The following TGFBR3 variants were observed in gnomAD, a reference collection of about 807,000 sequenced individuals.
TGFBR3 encodes transforming growth factor beta receptor type 3.
A neutral mutation model predicts 87.9 loss-of-function variants in TGFBR3; 46 were observed. The ratio of observed to expected loss-of-function variants is 0.52; its 90% CI spans 0.41 to 0.67. TGFBR3 has a LOEUF of 0.67. Ranked by LOEUF, TGFBR3 falls within the 30% of genes least tolerant of loss-of-function variation. TGFBR3 has a pLI of 0.00. For synonymous variants in TGFBR3, 381 were observed against 391.6 expected (o/e 0.97, Z 0.32); for missense variants, 866 against 1,041.9 (o/e 0.83, Z 2.32).
chr1:91,768,021 T>C (rs1052276850), intron 3 of TGFBR3, among the ~76,000 whole-genome samples: 1 of 152,102 alleles, frequency 6.6e-6, no homozygotes, highest in Non-Finnish European at 1.5e-5. Flanking sequence ...AAGACCAGCC[T>C]GGCCAACATG....
At chr1:91,867,087 A>G (rs1345490954) in intron 1 of TGFBR3, among the ~76,000 whole-genome samples, 1 of 152,228 alleles carries the variant, frequency 6.6e-6, no homozygotes, top group African/African-American at 2.4e-5. Context: ...ACTTAGCTAC[A>G]TCACAGAGTT....
chr1:91,896,213 C>CTTAG (rs1679547924), intron 2 of TGFBR3, among the ~76,000 whole-genome samples: 1 of 152,184 alleles, frequency 6.6e-6, no homozygotes, highest in Non-Finnish European at 1.5e-5. Flanking sequence ...CCATGGCTAT[C>CTTAG]TTAATCAGCA....
At position 91,765,750 on chromosome 1, in the gene TGFBR3, T is replaced by C. The variant is rs114422669; in HGVS notation, c.247-7000A>G. On this transcript the variant is annotated intron_variant, in intron 3 of 16. Transcript: ENST00000212355. ...GATAGATAACAAAGATAAAATATTT[T>C]GAGCAAATATTCCACTATCTTTTAG... is the stretch of plus-strand genomic sequence containing the variant. Among the ~76,000 whole-genome samples, 993 of 152,380 alleles carry C rather than the reference T, an allele frequency of 6.5e-3. 14 individuals are homozygous for C. The highest frequency in any genetic ancestry group is 0.022 in the African/African-American group (934 of 41,592).
At chr1:91,725,571 A>C (rs1303275991) in intron 7 of TGFBR3, among the ~76,000 whole-genome samples, 1 of 152,366 alleles carries the variant, frequency 6.6e-6, no homozygotes, top group African/African-American at 2.4e-5. Context: ...CCCTGTGTCC[A>C]GTGCTTTAGG....
intron 3 of TGFBR3, among the ~76,000 whole-genome samples, chr1:91,777,484 C>T (rs1674604719): frequency 6.6e-6 from 1 of 152,124 alleles, no homozygotes. Flanking sequence ...AACCACATCC[C>T]CATTTCAAAC....
In TGFBR3 at chr1:91,872,654, G is replaced by A. The variant is rs80148838; in HGVS notation, c.-113-11010C>T. On this transcript the variant is annotated intron_variant, in intron 1 of 16. Coordinates refer to ENST00000212355, the MANE Select transcript of TGFBR3 (RefSeq NM_003243.5). The stretch of plus-strand genomic sequence containing the variant: ...ACAAGGCAAGATGTCAGGGCTGCAA[G>A]GAAATTCTGCCCTGTTTCCCCCTGC... 3.9e-3 allele frequency among the ~76,000 whole-genome samples: 597 copies of A among 152,258 alleles called. 3 individuals are homozygous for A. The highest frequency in any genetic ancestry group is 5.5e-3 in the Non-Finnish European group (374 of 68,032).
chr1:91,761,228 C>T (rs1470545903), intron 3 of TGFBR3, among the ~76,000 whole-genome samples: 1 of 152,164 alleles, frequency 6.6e-6, no homozygotes, highest in Non-Finnish European at 1.5e-5. Context: ...TATAAAAGCT[C>T]ATGAAATGAG....
intron 2 of TGFBR3, among the ~76,000 whole-genome samples, chr1:91,815,301 A>AAAAAAAT (rs1254927899): frequency 6.4e-5 from 9 of 141,080 alleles, no homozygotes; most frequent in Non-Finnish European, 1.2e-4. Context: ...GACTCCATCT[A>AAAAAAAT]AAAATAAAAT....
Position 91,758,597 on chromosome 1 carries a change from A to G in TGFBR3, c.384+16T>C, listed in dbSNP as rs764884447. On this transcript the variant is annotated intron_variant, in intron 4 of 16. Coordinates refer to ENST00000212355, the MANE Select transcript of TGFBR3 (RefSeq NM_003243.5). ...CTTGTGCTAAGGATCAGTTTGGGGGAGGTTTAAGCACTTACCAAAAACAGT... is the reference window on the plus strand; with the variant it reads ...CTTGTGCTAAGGATCAGTTTGGGGGGGGTTTAAGCACTTACCAAAAACAGT... 6.2e-6 allele frequency: 10 copies of G among 1,613,568 alleles called. No individual in the cohort carries two copies. In the South Asian group the frequency reaches 1.1e-4, roughly 18 times the overall value.
chr1:91,865,486 C>CT (rs1422201637), intron 1 of TGFBR3, among the ~76,000 whole-genome samples: 5 of 151,964 alleles, frequency 3.3e-5, no homozygotes, highest in Non-Finnish European at 5.9e-5. Flanking sequence ...ATAGGGTACT[C>CT]TGAGATCATG....
At chr1:91,903,166 CTG>C (rs1247746867) in intron 1 of TGFBR3, among the ~76,000 whole-genome samples, 4 of 151,368 alleles carry the variant, frequency 2.6e-5, no homozygotes, top group African/African-American at 9.7e-5. Context: ...TGGCGAAACC[CTG>C]TCTCTACTAA....
At chr1:91,724,014 G>A (rs1397920762) in intron 7 of TGFBR3, among the ~76,000 whole-genome samples, 2 of 152,138 alleles carry the variant, frequency 1.3e-5, no homozygotes, top group Non-Finnish European at 2.9e-5. Context: ...AATCTTAAAG[G>A]ATCTCATTCA....
At position 91,861,621 on chromosome 1, in the gene TGFBR3, C is replaced by A. The variant is rs1678199271; in HGVS notation, c.-90G>T. ...TGCAAATCAGAAGTAGTCTTAAAGT[C>A]CCTCCTTGCAATTTTCAAACTGCCT... On this transcript the variant is annotated 5_prime_UTR_variant, in exon 2 of 17. Coordinates refer to ENST00000212355, the MANE Select transcript of TGFBR3 (RefSeq NM_003243.5). 5.9e-6 allele frequency: 6 copies of A among 1,009,754 alleles called. No homozygotes were observed. In the Admixed American group the frequency reaches 8.6e-5, roughly 15 times the overall value. 62.5% of individuals were successfully genotyped at this position (1,009,754 alleles called of 1,614,324 possible).
At chr1:91,839,139 G>A (rs1677173538) in intron 2 of TGFBR3, among the ~76,000 whole-genome samples, 1 of 152,006 alleles carries the variant, frequency 6.6e-6, no homozygotes, top group Non-Finnish European at 1.5e-5. Flanking sequence ...CACCATTCCT[G>A]GCTAATGTTT....
At chr1:91,739,342 A>G (rs1423678150) in intron 4 of TGFBR3, among the ~76,000 whole-genome samples, 1 of 152,170 alleles carries the variant, frequency 6.6e-6, no homozygotes, top group African/African-American at 2.4e-5. Context: ...TCTTTTCACC[A>G]GTTCGAGGCT....
intron 1 of TGFBR3, among the ~76,000 whole-genome samples, chr1:91,875,527 G>A (rs1678750579): frequency 6.6e-6 from 1 of 151,992 alleles, no homozygotes; most frequent in Admixed American, 6.6e-5. Flanking sequence ...AAAAGAAGAG[G>A]GGAGAGGAGA....
rs1252880107 is a variant in TGFBR3 at position 91,749,445 on chromosome 1, A to G, written c.384+9168T>C. On this transcript the variant is annotated intron_variant, in intron 4 of 16. Coordinates refer to ENST00000212355, the MANE Select transcript of TGFBR3 (RefSeq NM_003243.5). ...GTCATCTAAGGATACAGTGTTAGGA[A>G]CAAAAGGCAAAAGCAGATCTTGAGA... Among the ~76,000 whole-genome samples, 3 of 152,220 alleles carry G rather than the reference A, an allele frequency of 2.0e-5. No homozygotes were observed. The East Asian group carries it at 5.8e-4, about 29-fold the overall frequency.
At chr1:91,900,534 A>T (rs17883731) in intron 1 of TGFBR3, among the ~76,000 whole-genome samples, 1 of 152,234 alleles carries the variant, frequency 6.6e-6, no homozygotes, top group Non-Finnish European at 1.5e-5. Context: ...CTAAATATGC[A>T]AACTGTAATT....
intron 2 of TGFBR3, among the ~76,000 whole-genome samples, chr1:91,817,801 G>A (rs538191260): frequency 1.7e-4 from 26 of 151,406 alleles, no homozygotes; most frequent in African/African-American, 5.3e-4. Context: ...GACTTGGTGC[G>A]CTATGAGGCA....
Sources: gnomAD v4.1 joint callset for allele counts (sites outside exome capture counted in the v4.1 genomes callset) on GRCh38, gnomAD v4.1.1 for gene constraint, MANE v1.5 for transcripts, NCBI Gene and HGNC (gene_info 2026-07-23, HGNC 2026-07-21) for gene names.